MYO10: variants seen among roughly 807,000 people sequenced by gnomAD.
MYO10 encodes the protein myosin X, also known as unconventional myosin-X.
In MYO10, 133 loss-of-function variants were observed where a neutral mutation model predicts 257.3. The ratio of observed to expected loss-of-function variants is 0.52; its 90% CI spans 0.45 to 0.60. MYO10 has a LOEUF of 0.60. Ranked by LOEUF, MYO10 falls within the 20% of genes least tolerant of loss-of-function variation. MYO10 has a pLI of 0.00. For synonymous variants in MYO10, 1,104 were observed against 1,028.6 expected (o/e 1.07, Z -1.40); for missense variants, 2,399 against 2,635.7 (o/e 0.91, Z 1.97).
At chr5:16,846,694 CAA>C (rs1743644791) in intron 2 of MYO10, among the ~76,000 whole-genome samples, 1 of 152,194 alleles carries the variant, frequency 6.6e-6, no homozygotes, top group African/African-American at 2.4e-5. Flanking sequence ...TAATATGTGA[CAA>C]GTGTTAAGTA....
chr5:16,881,748 C>T (rs1744759959), intron 1 of MYO10, among the ~76,000 whole-genome samples: 2 of 152,190 alleles, frequency 1.3e-5, no homozygotes, highest in Admixed American at 1.3e-4. Flanking sequence ...TCTATTAGAA[C>T]ACATGTGCCC....
At chr5:16,715,606 T>C (rs1369614415) in intron 19 of MYO10, among the ~76,000 whole-genome samples, 1 of 148,382 alleles carries the variant, frequency 6.7e-6, no homozygotes, top group Non-Finnish European at 1.5e-5. Flanking sequence ...AGCCTGGGGG[T>C]TTCTTTTTGA....
At chr5:16,733,473 T>C (rs61561869) in intron 19 of MYO10, among the ~76,000 whole-genome samples, 20,219 of 152,136 alleles carry the variant, frequency 0.13, 1,653 homozygotes, top group East Asian at 0.24. Context: ...TGGAGAATTT[T>C]CCTTGAAAAT....
intron 1 of MYO10, among the ~76,000 whole-genome samples, chr5:16,889,125 A>G (rs1355860689): frequency 6.7e-6 from 1 of 150,066 alleles, no homozygotes; most frequent in East Asian, 2.0e-4. Context: ...GTGAGGTGTG[A>G]TTGTGCCTCT....
At chr5:16,708,401 C>T (rs1738442263) in intron 21 of MYO10, among the ~76,000 whole-genome samples, 1 of 152,120 alleles carries the variant, frequency 6.6e-6, no homozygotes. Flanking sequence ...ACACTACGTC[C>T]CAAGCCTGCC....
At chr5:16,818,517 G>T (rs1048639740) in intron 2 of MYO10, among the ~76,000 whole-genome samples, 9 of 151,256 alleles carry the variant, frequency 6.0e-5, no homozygotes, top group Non-Finnish European at 1.2e-4. Context: ...GCTCACCGCA[G>T]CCTCCACCTC....
At chr5:16,808,054 C>T (rs1283948029) in intron 3 of MYO10, among the ~76,000 whole-genome samples, 1 of 152,170 alleles carries the variant, frequency 6.6e-6, no homozygotes, top group Non-Finnish European at 1.5e-5. Context: ...ATGCTGAGGA[C>T]ACATGATTTC....
At chr5:16,755,357 C>A (rs1193458136) in intron 18 of MYO10, among the ~76,000 whole-genome samples, 1 of 152,076 alleles carries the variant, frequency 6.6e-6, no homozygotes, top group African/African-American at 2.4e-5. Context: ...AGTGGAGATG[C>A]GGTTTCACCG....
rs1560982522 is a variant in MYO10, at chr5:16,783,485, GAA to G, written c.468-18_468-17del. The G allele has an allele frequency of 3.7e-6, 6 of 1,603,776 alleles. No homozygotes were observed. Among genetic ancestry groups the G allele is most frequent in the Admixed American group, 3.4e-5 (2 of 58,014 alleles). Reference sequence around the variant, plus strand: ...ACTTTCACCACTGAAAGACAAAACGGAAAAGTTTGTGCTTCTAACTATAATTT... The same window carrying G: ...ACTTTCACCACTGAAAGACAAAACGGAAGTTTGTGCTTCTAACTATAATTT... On this transcript the variant is annotated splice_polypyrimidine_tract_variant and intron_variant, in intron 4 of 40. Coordinates refer to ENST00000513610, the MANE Select transcript of MYO10 (RefSeq NM_012334.3).
chr5:16,832,809 G>A (rs539961511), intron 2 of MYO10, among the ~76,000 whole-genome samples: 5 of 152,164 alleles, frequency 3.3e-5, no homozygotes, highest in South Asian at 4.2e-4. Context: ...AACTGACCTC[G>A]GCATCTCCTC....
Position 16,935,970 on chromosome 5 carries a change from A to G in MYO10, c.-162T>C. 1 of 823,170 alleles carries G rather than the reference A, an allele frequency of 1.2e-6. No individual in the cohort carries two copies. The highest frequency in any genetic ancestry group is 1.7e-5 in the South Asian group (1 of 58,852). The allele number at this position is 823,170 out of a possible 1,614,324, so 51.0% of individuals were successfully genotyped here. A position where few individuals can be genotyped will look rare whatever the true frequency, so the allele number is the denominator to read the frequency against. On this transcript the variant is annotated 5_prime_UTR_variant, in exon 1 of 41. Transcript: ENST00000513610. ...CGCCCGGTCCCTTCTTGTCCTTCTC[A>G]CCTTTTGTTCGCCCAAACCCAAGTC...
intron 1 of MYO10, among the ~76,000 whole-genome samples, chr5:16,892,971 A>C (rs1029440753): frequency 6.6e-6 from 1 of 152,076 alleles, no homozygotes; most frequent in Non-Finnish European, 1.5e-5. Flanking sequence ...CGAGGCGGGC[A>C]GATCACGAGG....
chr5:16,754,923 A>T lies in MYO10; in HGVS notation c.1849-15T>A, dbSNP rs763311076. 1 of 1,528,576 alleles carries T rather than the reference A, an allele frequency of 6.5e-7. No homozygotes were observed. The highest frequency in any genetic ancestry group is 1.4e-5 in the African/African-American group (1 of 73,234). The allele number at this position is 1,528,576 out of a possible 1,614,324, so 94.7% of individuals were successfully genotyped here. ...TGCAGTGAGTCCTATTAGAAAAAGT[A>T]TATGTTGATTTAGTCTCTTATTATG... On this transcript the variant is annotated splice_polypyrimidine_tract_variant and intron_variant, in intron 18 of 40. Transcript: ENST00000513610.
chr5:16,817,935 T>C, intron 3 of MYO10, 74 bp downstream of exon 3: 1 of 1,203,098 alleles, frequency 8.3e-7, no homozygotes, highest in Non-Finnish European at 1.1e-6. Context: ...AGGCAAGAAA[T>C]ACTCTCTGAA....
intron 21 of MYO10, among the ~76,000 whole-genome samples, chr5:16,709,096 AG>A (rs1483191958): frequency 6.6e-6 from 1 of 152,222 alleles, no homozygotes; most frequent in Non-Finnish European, 1.5e-5. Context: ...GCAAGACAAC[AG>A]GACAGCATAT....
chr5:16,707,888 G>A (rs971318498), intron 21 of MYO10, among the ~76,000 whole-genome samples: 1 of 152,204 alleles, frequency 6.6e-6, no homozygotes, highest in African/African-American at 2.4e-5. Context: ...TTCAGACCTG[G>A]AGCCATGTCT....
chr5:16,796,795 A>G (rs1459368686), intron 3 of MYO10, among the ~76,000 whole-genome samples: 1 of 152,204 alleles, frequency 6.6e-6, no homozygotes, highest in Admixed American at 6.5e-5. Flanking sequence ...CACATGCTGA[A>G]GCCCTAATCC....
At chr5:16,786,822 T>C (rs979445644) in intron 4 of MYO10, among the ~76,000 whole-genome samples, 30 of 152,042 alleles carry the variant, frequency 2.0e-4, no homozygotes, top group Admixed American at 5.2e-4. Flanking sequence ...AATCACCTAA[T>C]AGGTCCCTCG....
intron 2 of MYO10, among the ~76,000 whole-genome samples, chr5:16,851,227 G>C (rs1442713592): frequency 6.6e-6 from 1 of 152,178 alleles, no homozygotes; most frequent in East Asian, 1.9e-4. Flanking sequence ...TTATGTTCCG[G>C]AGACTCTGTT....
Sources: allele counts gnomAD v4.1 joint callset (sites outside exome capture counted in the v4.1 genomes callset), GRCh38; gene constraint gnomAD v4.1.1; transcripts MANE v1.5; gene names NCBI Gene and HGNC (gene_info 2026-07-23, HGNC 2026-07-21).